Variants in TAFA1 observed in about 807,000 individuals in gnomAD.
TAFA1 encodes the protein TAFA chemokine like family member 1, also known as chemokine-like protein TAFA-1.
TAFA1 carries 4 observed loss-of-function variants against 18.5 expected under a neutral mutation model. The ratio of observed to expected loss-of-function variants is 0.22; its 90% CI spans 0.11 to 0.49. The LOEUF (loss-of-function observed/expected upper bound fraction) is 0.49, where lower values mean the gene tolerates loss of function less well. TAFA1 is among the 20% of genes least tolerant of loss of function. TAFA1 has a pLI of 0.98. For synonymous variants in TAFA1, 56 were observed against 55.2 expected (o/e 1.01, Z -0.06); for missense variants, 147 against 169.0 (o/e 0.87, Z 0.72).
intron 2 of TAFA1, among the ~76,000 whole-genome samples, chr3:68,378,613 A>T (rs192390449): frequency 4.3e-4 from 65 of 152,248 alleles, no homozygotes; most frequent in African/African-American, 1.2e-3. Flanking sequence ...CTGGTTTTCA[A>T]ATGTGAAAAG....
chr3:68,543,857 A>G (rs974181610), intron 4 of TAFA1, among the ~76,000 whole-genome samples: 1 of 152,114 alleles, frequency 6.6e-6, no homozygotes, highest in African/African-American at 2.4e-5. Context: ...GCCCTTGAAC[A>G]CAGTGTCATT....
chr3:68,447,048 A>T (rs905854499), intron 3 of TAFA1, among the ~76,000 whole-genome samples: 1 of 152,192 alleles, frequency 6.6e-6, no homozygotes, highest in Non-Finnish European at 1.5e-5. Flanking sequence ...AGTTGCTGTC[A>T]CCATTTGGAA....
At chr3:68,290,704 A>G (rs933894073) in intron 2 of TAFA1, among the ~76,000 whole-genome samples, 11 of 152,170 alleles carry the variant, frequency 7.2e-5, no homozygotes, top group Non-Finnish European at 1.6e-4. Flanking sequence ...AAGTCAAAAG[A>G]TATATCTAAT....
At chr3:68,295,060 C>G (rs2068183719) in intron 2 of TAFA1, among the ~76,000 whole-genome samples, 1 of 152,048 alleles carries the variant, frequency 6.6e-6, no homozygotes, top group African/African-American at 2.4e-5. Context: ...GCACAATTCA[C>G]TATGTTCTCT....
chr3:68,147,066 A>G (rs1257833755), intron 2 of TAFA1, among the ~76,000 whole-genome samples: 1 of 151,210 alleles, frequency 6.6e-6, no homozygotes, highest in African/African-American at 2.4e-5. Flanking sequence ...TATTCTATAT[A>G]TAATGATGTG....
At chr3:68,487,313 C>T (rs2072362296) in intron 3 of TAFA1, among the ~76,000 whole-genome samples, 1 of 152,004 alleles carries the variant, frequency 6.6e-6, no homozygotes, top group East Asian at 1.9e-4. Context: ...TTTAAAAGCT[C>T]TAGATTTGAC....
At chr3:68,049,530 C>A (rs1471597341) in intron 2 of TAFA1, among the ~76,000 whole-genome samples, 1 of 151,966 alleles carries the variant, frequency 6.6e-6, no homozygotes, top group Non-Finnish European at 1.5e-5. Context: ...ATGAATTCTG[C>A]ATCTCAGTAA....
intron 2 of TAFA1, among the ~76,000 whole-genome samples, chr3:68,065,415 G>T (rs1003480796): frequency 6.6e-6 from 1 of 152,072 alleles, no homozygotes; most frequent in African/African-American, 2.4e-5. Flanking sequence ...AATGTATTGG[G>T]TGTTTTGCAA....
At chr3:68,115,132 C>A (rs2065309639) in intron 2 of TAFA1, among the ~76,000 whole-genome samples, 1 of 152,126 alleles carries the variant, frequency 6.6e-6, no homozygotes, top group Admixed American at 6.5e-5. Context: ...AAGGGACAGC[C>A]AGGAGCCTTC....
At chr3:68,000,875 A>G (rs1238815404), upstream of TAFA1, among the ~76,000 whole-genome samples, 1 of 152,192 alleles carries the variant, frequency 6.6e-6, no homozygotes, top group Non-Finnish European at 1.5e-5. Context: ...GGGGAGGGAC[A>G]TGGCCAGAAG....
chr3:68,219,200 A>T (rs1308783558), intron 2 of TAFA1, among the ~76,000 whole-genome samples: 1 of 152,112 alleles, frequency 6.6e-6, no homozygotes, highest in African/African-American at 2.4e-5. Context: ...GCATAGCTTG[A>T]CAGTGAGAAA....
chr3:68,189,722 T>G (rs932388822), intron 2 of TAFA1, among the ~76,000 whole-genome samples: 1 of 152,082 alleles, frequency 6.6e-6, no homozygotes, highest in African/African-American at 2.4e-5. Flanking sequence ...CCTCAGTTTC[T>G]TCATTTCTAA....
intron 3 of TAFA1, among the ~76,000 whole-genome samples, chr3:68,527,254 C>T (rs562322681): frequency 5.3e-5 from 8 of 151,992 alleles, no homozygotes; most frequent in Non-Finnish European, 1.2e-4. Context: ...TGGTATGCAG[C>T]CTAAGACAAA....
At chr3:68,147,914 A>G (rs939910657) in intron 2 of TAFA1, among the ~76,000 whole-genome samples, 1 of 152,232 alleles carries the variant, frequency 6.6e-6, no homozygotes, top group African/African-American at 2.4e-5. Flanking sequence ...CACATATAAA[A>G]TATAACATTA....
intron 3 of TAFA1, among the ~76,000 whole-genome samples, chr3:68,430,905 T>C (rs987763516): frequency 3.9e-5 from 6 of 152,056 alleles, no homozygotes; most frequent in Non-Finnish European, 8.8e-5. Context: ...CTTAAGATAC[T>C]GTATTAACTA....
chr3:68,345,533 A>G (rs1203919467), intron 2 of TAFA1, among the ~76,000 whole-genome samples: 1 of 152,200 alleles, frequency 6.6e-6, no homozygotes, highest in Non-Finnish European at 1.5e-5. Flanking sequence ...AAGTCAGGGG[A>G]AAACGTGAGA....
At chr3:68,318,709 T>C (rs974525096) in intron 2 of TAFA1, among the ~76,000 whole-genome samples, 1 of 152,248 alleles carries the variant, frequency 6.6e-6, no homozygotes, top group Non-Finnish European at 1.5e-5. Flanking sequence ...TTGAGAAAGT[T>C]AAGTTACATG....
chr3:68,221,179 A>G (rs2066725540), intron 2 of TAFA1, among the ~76,000 whole-genome samples: 1 of 152,150 alleles, frequency 6.6e-6, no homozygotes, highest in Admixed American at 6.6e-5. Flanking sequence ...GTCCAGTAAC[A>G]AATACTCTTT....
At chr3:68,121,259 G>GTGTC (rs1228647144) in intron 2 of TAFA1, among the ~76,000 whole-genome samples, 30 of 145,682 alleles carry the variant, frequency 2.1e-4, no homozygotes, top group African/African-American at 7.2e-4. Flanking sequence ...ATGTGTGTGT[G>GTGTC]TGTGTGTGTG....
Sources: allele counts gnomAD v4.1 joint callset (sites outside exome capture counted in the v4.1 genomes callset), GRCh38; gene constraint gnomAD v4.1.1; transcripts MANE v1.5; gene names NCBI Gene and HGNC (gene_info 2026-07-23, HGNC 2026-07-21).